RASEF: variants seen among roughly 807,000 people sequenced by gnomAD.
The protein encoded by RASEF is RAS and EF-hand domain containing.
Under a neutral mutation model 90.1 loss-of-function variants are expected in RASEF, and 68 were observed. The ratio of observed to expected loss-of-function variants is 0.75; its 90% CI spans 0.62 to 0.92. RASEF has a LOEUF of 0.92. Ranked by LOEUF, RASEF falls within the 40% of genes least tolerant of loss-of-function variation. RASEF has a pLI of 0.00. For synonymous variants in RASEF, 331 were observed against 345.2 expected (o/e 0.96, Z 0.46); for missense variants, 949 against 937.2 (o/e 1.01, Z -0.16).
At chr9:83,027,564 G>A (rs995168694) in intron 1 of RASEF, among the ~76,000 whole-genome samples, 2 of 152,140 alleles carry the variant, frequency 1.3e-5, no homozygotes, top group Non-Finnish European at 2.9e-5. Context: ...ATTTATTTGT[G>A]ACAGTCCTCA....
chr9:83,064,883 A>G (rs764502574), upstream of RASEF, among the ~76,000 whole-genome samples: 6 of 152,168 alleles, frequency 3.9e-5, no homozygotes, highest in Non-Finnish European at 7.3e-5. Context: ...CCTGACCAAC[A>G]TGGTGAAAGC....
At chr9:83,156,161 G>A in the RASEF span, among the ~76,000 whole-genome samples, 1 of 152,148 alleles carries the variant, frequency 6.6e-6, no homozygotes, top group Non-Finnish European at 1.5e-5. Flanking sequence ...GAAGAGGCCT[G>A]CCTTCTTCCA....
chr9:83,140,475 G>C, the RASEF span, among the ~76,000 whole-genome samples: 2 of 152,144 alleles, frequency 1.3e-5, no homozygotes, highest in Admixed American at 6.5e-5. Context: ...AAGTCTTCCA[G>C]ACATGAACAA....
the RASEF span, among the ~76,000 whole-genome samples, chr9:83,091,785 C>A: frequency 3.3e-5 from 5 of 151,964 alleles, no homozygotes; most frequent in African/African-American, 4.8e-5. Flanking sequence ...TGAGTGGGGT[C>A]TTCCAGGGAA....
the RASEF span, among the ~76,000 whole-genome samples, chr9:83,114,669 T>C: frequency 6.6e-6 from 1 of 152,156 alleles, no homozygotes; most frequent in Non-Finnish European, 1.5e-5. Flanking sequence ...TCTTTTATGG[T>C]CACAGCGGTG....
At chr9:83,001,164 G>A (rs2118447531) in intron 9 of RASEF, 34 bp from the exon 10 acceptor site, 1 of 1,499,764 alleles carries the variant, frequency 6.7e-7, no homozygotes, top group East Asian at 2.3e-5. Context: ...TTTACCTGAG[G>A]GCTGGAAATG....
the RASEF span, among the ~76,000 whole-genome samples, chr9:83,170,392 C>CT: frequency 6.6e-6 from 1 of 151,654 alleles, no homozygotes; most frequent in African/African-American, 2.4e-5. Context: ...TTCAAGATTG[C>CT]TTTGACCATT....
Position 83,005,294 on chromosome 9 carries a change from T to C in RASEF, c.1113+122A>G, listed in dbSNP as rs1829108696. ...TGCCTCGTTTTATTTTATGGAAAGA[T>C]CTTCTCATTATTATAAGGACTTACT... On this transcript the variant is annotated intron_variant, in intron 8 of 16. Transcript: ENST00000376447. 6.0e-6 allele frequency: 4 copies of C among 671,872 alleles called. No homozygotes were observed. In the South Asian group the frequency reaches 7.9e-5, roughly 13 times the overall value. The allele number at this position is 671,872 out of a possible 1,614,324, so 41.6% of individuals were successfully genotyped here. A position where few individuals can be genotyped will look rare whatever the true frequency, so the allele number is the denominator to read the frequency against.
At chr9:83,145,160 T>C in the RASEF span, among the ~76,000 whole-genome samples, 5 of 152,262 alleles carry the variant, frequency 3.3e-5, no homozygotes, top group African/African-American at 1.2e-4. Context: ...TTAGTTTGAA[T>C]GCAGACTGAA....
intron 2 of RASEF, among the ~76,000 whole-genome samples, chr9:83,024,929 C>T (rs73469424): frequency 0.03 from 4,513 of 152,106 alleles, 205 homozygotes; most frequent in African/African-American, 0.1. Context: ...GGGTGCACAG[C>T]GTCTTGGGAG....
chr9:83,136,547 T>G, the RASEF span, among the ~76,000 whole-genome samples: 1 of 152,188 alleles, frequency 6.6e-6, no homozygotes, highest in East Asian at 1.9e-4. Context: ...ACAAACCAAT[T>G]TAAAGACCCA....
chr9:83,024,303 G>T (rs1194563718), intron 2 of RASEF, among the ~76,000 whole-genome samples: 1 of 152,108 alleles, frequency 6.6e-6, no homozygotes, highest in Non-Finnish European at 1.5e-5. Context: ...CAGCCTAGCT[G>T]GTAATGAGAA....
At chr9:83,184,273 C>T in the RASEF span, among the ~76,000 whole-genome samples, 4 of 152,084 alleles carry the variant, frequency 2.6e-5, no homozygotes, top group African/African-American at 7.2e-5. Flanking sequence ...ATAGGGGAAA[C>T]GTGTACATTG....
At chr9:83,092,003 C>CTTTTTTTTTTTTTTTTTTTTTTTTTT in the RASEF span, among the ~76,000 whole-genome samples, 100 of 35,930 alleles carry the variant, frequency 2.8e-3, 8 homozygotes, top group African/African-American at 3.1e-3. Flanking sequence ...TCTTTTATTT[C>CTTTTTTTTTTTTTTTTTTTTTTTTTT]TTTTTTTTTT....
the RASEF span, among the ~76,000 whole-genome samples, chr9:83,175,225 A>G: frequency 6.6e-6 from 1 of 152,190 alleles, no homozygotes; most frequent in Non-Finnish European, 1.5e-5. Context: ...ACTTTTGACT[A>G]CTATAATAAT....
At chr9:83,071,440 C>A in the RASEF span, among the ~76,000 whole-genome samples, 1 of 152,162 alleles carries the variant, frequency 6.6e-6, no homozygotes, top group East Asian at 1.9e-4. Flanking sequence ...GGGTCTGGCT[C>A]TGTCACCCAG....
the RASEF span, among the ~76,000 whole-genome samples, chr9:83,169,350 T>TACACAC: frequency 0.028 from 4,145 of 146,010 alleles, 98 homozygotes; most frequent in Non-Finnish European, 0.041. Flanking sequence ...CTGATTTCCA[T>TACACAC]ACACACACAC....
upstream of RASEF, among the ~76,000 whole-genome samples, chr9:83,064,448 GTTTA>G (rs981136455): frequency 2.1e-4 from 32 of 152,282 alleles, no homozygotes; most frequent in African/African-American, 7.2e-4. Flanking sequence ...GTGCTTTCCT[GTTTA>G]TTCTAAAGAT....
Position 83,046,040 on chromosome 9 carries a change from C to A in RASEF, c.431+16397G>T, listed in dbSNP as rs1282270127. ...TTCACCTTCGGAAAAAAAAAAAAAA[C>A]CCTGCAAAATCCTATATTTTCATGT... On this transcript the variant is annotated intron_variant, in intron 1 of 16. Transcript: ENST00000376447. Among the ~76,000 whole-genome samples, 512 of 143,844 alleles carry A rather than the reference C, an allele frequency of 3.6e-3. 3 individuals are homozygous for A. The highest frequency in any genetic ancestry group is 0.013 in the African/African-American group (464 of 34,682). The allele number at this position is 143,844 out of a possible 152,430, so 94.4% of individuals were successfully genotyped here.
Sources: allele counts gnomAD v4.1 joint callset (sites outside exome capture counted in the v4.1 genomes callset), GRCh38; gene constraint gnomAD v4.1.1; transcripts MANE v1.5; gene names NCBI Gene and HGNC (gene_info 2026-07-23, HGNC 2026-07-21).